The following SDK2 variants were observed in gnomAD, a reference collection of about 807,000 sequenced individuals.
The protein encoded by SDK2 is sidekick cell adhesion molecule 2.
SDK2 carries 105 observed loss-of-function variants against 253.9 expected under a neutral mutation model. The observed-to-expected ratio is 0.41, with a 90% CI of 0.35 to 0.49. The LOEUF (loss-of-function observed/expected upper bound fraction) is 0.49, where lower values mean the gene tolerates loss of function less well. Among genes scored for constraint, SDK2 ranks in the 20% least tolerant of loss-of-function variants. SDK2 has a pLI of 0.06. For missense variants in SDK2, 2,608 were observed against 3,003.0 expected, an observed-to-expected ratio of 0.87 and a Z score of 3.07; for synonymous variants, 1,249 against 1,234.9, an observed-to-expected ratio of 1.01 and a Z score of -0.24.
intron 2 of SDK2, among the ~76,000 whole-genome samples, chr17:73,483,705 ATATTTTTTTTT>A (rs2063752818): frequency 1.8e-5 from 1 of 56,682 alleles, no homozygotes; most frequent in Admixed American, 2.5e-4. Context: ...ATATATATAT[ATATTTTTTTTT>A]TTTTTTAGTA....
chr17:73,535,098 T>C (rs1158971601), intron 1 of SDK2, among the ~76,000 whole-genome samples: 1 of 152,092 alleles, frequency 6.6e-6, no homozygotes, highest in Non-Finnish European at 1.5e-5. Context: ...ACACCGCCAA[T>C]CCCCTATAGC....
At chr17:73,349,492 G>T (rs765150888) in intron 43 of SDK2, among the ~76,000 whole-genome samples, 1 of 152,312 alleles carries the variant, frequency 6.6e-6, no homozygotes, top group East Asian at 1.9e-4. Context: ...ACAGAAAACC[G>T]CCACACATCA....
intron 1 of SDK2, among the ~76,000 whole-genome samples, chr17:73,579,049 C>T (rs979324054): frequency 6.6e-6 from 1 of 152,104 alleles, no homozygotes; most frequent in East Asian, 1.9e-4. Context: ...CCCACCCCTC[C>T]CTTCCCCTCG....
At chr17:73,522,740 GC>G (rs2064092637) in intron 1 of SDK2, among the ~76,000 whole-genome samples, 1 of 152,228 alleles carries the variant, frequency 6.6e-6, no homozygotes, top group African/African-American at 2.4e-5. Context: ...GGAACCTGGG[GC>G]CAGCAGCTGA....
chr17:73,483,091 C>A (rs545670916), intron 2 of SDK2, among the ~76,000 whole-genome samples: 2 of 151,862 alleles, frequency 1.3e-5, no homozygotes, highest in Admixed American at 1.3e-4. Flanking sequence ...TATACCTGCC[C>A]GCCCTGACCC....
At chr17:73,367,837 C>T (rs2062698858) in intron 37 of SDK2, among the ~76,000 whole-genome samples, 1 of 152,174 alleles carries the variant, frequency 6.6e-6, no homozygotes, top group Non-Finnish European at 1.5e-5. Context: ...ATCTCACCTC[C>T]TCAGGGAGGG....
intron 1 of SDK2, among the ~76,000 whole-genome samples, chr17:73,637,796 C>A (rs1567887167): frequency 6.6e-6 from 1 of 152,238 alleles, no homozygotes; most frequent in Non-Finnish European, 1.5e-5. Flanking sequence ...AAACCTTCTA[C>A]CCCTCCTCTC....
rs118182328 is a variant in SDK2, at chr17:73,358,344, G to A, written c.5468-140C>T. 160 of 1,112,570 alleles carry A rather than the reference G, an allele frequency of 1.4e-4. No individual in the cohort carries two copies. The East Asian group carries it at 2.2e-3, about 15-fold the overall frequency. The allele number at this position is 1,112,570 out of a possible 1,614,324, so 68.9% of individuals were successfully genotyped here. A position where few individuals can be genotyped will look rare whatever the true frequency, so the allele number is the denominator to read the frequency against. On this transcript the variant is annotated intron_variant, in intron 39 of 44. Transcript: ENST00000392650. ...CGCCAGGAAGCCCTGCAAATGTCGCGGCCTGAGAGTACATCTCAGGCTGGG... is the reference window on the plus strand; with the variant it reads ...CGCCAGGAAGCCCTGCAAATGTCGCAGCCTGAGAGTACATCTCAGGCTGGG...
At chr17:73,565,392 T>C (rs1018854639) in intron 1 of SDK2, among the ~76,000 whole-genome samples, 3 of 152,226 alleles carry the variant, frequency 2.0e-5, no homozygotes, top group African/African-American at 7.2e-5. Flanking sequence ...GGAAGTTACC[T>C]GTTTGCTAAA....
chr17:73,575,984 C>T (rs553007633), intron 1 of SDK2, among the ~76,000 whole-genome samples: 142 of 152,196 alleles, frequency 9.3e-4, no homozygotes, highest in Non-Finnish European at 1.5e-3. Context: ...AGCTGGGGGC[C>T]GTGGGGGATG....
At chr17:73,492,612 CA>C (rs1408496054) in intron 2 of SDK2, among the ~76,000 whole-genome samples, 1 of 152,100 alleles carries the variant, frequency 6.6e-6, no homozygotes, top group Non-Finnish European at 1.5e-5. Flanking sequence ...CAGTTAGAGC[CA>C]AAACCCCTAT....
At chr17:73,552,204 A>G (rs1034998855) in intron 1 of SDK2, among the ~76,000 whole-genome samples, 6 of 152,246 alleles carry the variant, frequency 3.9e-5, no homozygotes, top group Non-Finnish European at 8.8e-5. Context: ...TCTCGTCTAT[A>G]ATTACCAGCC....
At chr17:73,463,901 GTT>G (rs980504827) in intron 3 of SDK2, among the ~76,000 whole-genome samples, 34 of 152,102 alleles carry the variant, frequency 2.2e-4, no homozygotes, top group African/African-American at 6.8e-4. Flanking sequence ...GGGTTGTGGG[GTT>G]ATACACACAT....
At position 73,412,380 on chromosome 17, in the gene SDK2, C is replaced by G. The variant is rs9905651; in HGVS notation, c.2484+2264G>C. Among the ~76,000 whole-genome samples the G allele has an allele frequency of 3.4e-3, 520 of 151,284 alleles. 5 individuals are homozygous for G. Among genetic ancestry groups the G allele is most frequent in the African/African-American group, 0.012 (490 of 41,216 alleles). ...CTTGAACTCCCAACCTCAGGTAATCCACCCACCTCAGACTCCCAAAGTACA... is the reference window on the plus strand; with the variant it reads ...CTTGAACTCCCAACCTCAGGTAATCGACCCACCTCAGACTCCCAAAGTACA... On this transcript the variant is annotated intron_variant, in intron 18 of 44. Coordinates refer to ENST00000392650, the MANE Select transcript of SDK2 (RefSeq NM_001144952.2).
At chr17:73,343,120 A>AG (rs1249660102) in intron 44 of SDK2, among the ~76,000 whole-genome samples, 1 of 152,140 alleles carries the variant, frequency 6.6e-6, no homozygotes, top group Non-Finnish European at 1.5e-5. Flanking sequence ...TAGCCCTCCT[A>AG]GGGGCCCAGA....
At chr17:73,436,052 C>A (rs1327557447) in intron 8 of SDK2, among the ~76,000 whole-genome samples, 2 of 152,076 alleles carry the variant, frequency 1.3e-5, no homozygotes, top group Admixed American at 6.6e-5. Flanking sequence ...CTGCACCTGG[C>A]CTAATTTCTT....
chr17:73,603,143 C>A (rs1406014437), intron 1 of SDK2, among the ~76,000 whole-genome samples: 1 of 152,136 alleles, frequency 6.6e-6, no homozygotes, highest in Non-Finnish European at 1.5e-5. Flanking sequence ...GTCACATGTC[C>A]CCTGGAGGGC....
At chr17:73,453,578 G>C (rs1255339745) in intron 4 of SDK2, among the ~76,000 whole-genome samples, 1 of 152,018 alleles carries the variant, frequency 6.6e-6, no homozygotes, top group Non-Finnish European at 1.5e-5. Flanking sequence ...GATTTTGCCA[G>C]GTTGGCCAGG....
chr17:73,547,618 G>A (rs2044986220), intron 1 of SDK2, among the ~76,000 whole-genome samples: 1 of 152,206 alleles, frequency 6.6e-6, no homozygotes. Flanking sequence ...ATAGGGTAGA[G>A]ACACCATGAA....
Sources: gnomAD v4.1 joint callset for allele counts (sites outside exome capture counted in the v4.1 genomes callset) on GRCh38, gnomAD v4.1.1 for gene constraint, MANE v1.5 for transcripts, NCBI Gene and HGNC (gene_info 2026-07-23, HGNC 2026-07-21) for gene names.